IGFALS: variants seen among roughly 807,000 people sequenced by gnomAD.
The protein encoded by IGFALS is insulin-like growth factor-binding protein complex acid labile subunit.
A neutral mutation model predicts 2.6 loss-of-function variants in IGFALS; 2 were observed. The ratio of observed to expected loss-of-function variants is 0.77; its 90% confidence interval spans 0.32 to 2.44. The LOEUF (loss-of-function observed/expected upper bound fraction) is 2.44, where lower values mean the gene tolerates loss of function less well. Among genes scored for constraint, IGFALS ranks in the 30% most tolerant of loss-of-function variants. IGFALS has a pLI of 0.11. For missense variants in IGFALS, 996 were observed against 848.7 expected (o/e 1.17, Z -2.16); for synonymous variants, 519 against 431.9 (o/e 1.20, Z -2.50).
At chr16:1,794,042 C>A (rs1897286482), upstream of IGFALS, among the ~76,000 whole-genome samples, 1 of 152,078 alleles carries the variant, frequency 6.6e-6, no homozygotes, top group Admixed American at 6.5e-5. Flanking sequence ...CAGGGTTTTA[C>A]CAGGTCCTGT....
rs1036537110 is a variant in IGFALS, at chr16:1,793,661, C to T, written c.-9G>A. On this transcript the variant is annotated 5_prime_UTR_variant, in exon 1 of 2. Transcript: ENST00000215539. ...CCTTTCCTCAGGGCCATCCTGCATG[C>T]AGGGCAGGCTGCAGGCAGGCAGCGA... 8.0e-5 allele frequency: 127 copies of T among 1,594,134 alleles called. No individual in the cohort carries two copies. The highest frequency in any genetic ancestry group is 1.1e-4 in the Non-Finnish European group (123 of 1,170,208).
At chr16:1,794,368 C>T (rs576862420), upstream of IGFALS, among the ~76,000 whole-genome samples, 15 of 152,314 alleles carry the variant, frequency 9.8e-5, no homozygotes, top group Admixed American at 7.8e-4. Context: ...TTTTGCCCTG[C>T]GCCATCCTCG....
At position 1,791,280 on chromosome 16, in the gene IGFALS, G is replaced by T. The variant is rs759124435; in HGVS notation, c.1138C>A (p.Gln380Lys). The change falls in exon 2 of 2, where the codon CAG becomes AAG. Residue 380 changes from glutamine to lysine, a missense_variant. Physicochemically the swap from Gln to Lys is moderately conservative, Grantham distance 53. Transcript: ENST00000215539. ...SGNCLRNLPE[Q>K]VFRGLGKLHS... ...AGCTTGCCCAGGCCCCGGAACACCT[G>T]CTCCGGAAGGTTCCGGAGACAGTTC... 1 of 1,609,146 alleles carries T rather than the reference G, an allele frequency of 6.2e-7. No homozygotes were observed.
chr16:1,792,151 G>A lies in IGFALS; in HGVS notation c.267C>T (p.Val89=), dbSNP rs751581849. Residue 89 remains valine (V), a synonymous_variant, in exon 2 of 2, where the codon GTC becomes GTT. Transcript: ENST00000215539. ...LWLDGNNLSS[V]PPAAFQNLSS... ...AGAGGTTCTGGAAGGCTGCCGGGGGGACGGACGAGAGGTTGTTGCCGTCCA... is the reference window on the plus strand; with the variant it reads ...AGAGGTTCTGGAAGGCTGCCGGGGGAACGGACGAGAGGTTGTTGCCGTCCA... 6.2e-6 allele frequency: 10 copies of A among 1,611,454 alleles called. No individual in the cohort carries two copies. The East Asian group carries it at 1.3e-4, about 22-fold the overall frequency.
rs757236289 is a variant in IGFALS, at chr16:1,790,869, A to T, written c.1549T>A (p.Ser517Thr). 4.5e-6 allele frequency: 7 copies of T among 1,569,478 alleles called. No homozygotes were observed. The highest frequency in any genetic ancestry group is 5.2e-6 in the Non-Finnish European group (6 of 1,159,430). ...GGCTGCGGCGTGAAGGTCCGCAGTG[A>T]GTTGTTCCTGAGGCTGAGGTAGCGC... ...RLRYLSLRNN[S>T]LRTFTPQPPG... Residue 517 changes from serine to threonine, a missense_variant, in exon 2 of 2, where the codon TCA becomes ACA. By Grantham distance (58) the Ser-to-Thr change is moderately conservative (BLOSUM62 1). Coordinates refer to ENST00000215539, the MANE Select transcript of IGFALS (RefSeq NM_004970.3).
Position 1,790,842 on chromosome 16 carries a change from G to A in IGFALS, c.1576C>T (p.Pro526Ser), listed in dbSNP as rs1211521092. ...TCCAGCCACAGGCGCTCCAGGCCCG[G>A]GGGCTGCGGCGTGAAGGTCCGCAGT... ...NSLRTFTPQP[P>S]GLERLWLEGN... Residue 526 changes from proline (P) to serine (S), a missense_variant, in exon 2 of 2, where the codon CCG becomes TCG. By Grantham distance (74) the Pro-to-Ser change is moderately conservative (BLOSUM62 -1). Coordinates refer to ENST00000215539, the MANE Select transcript of IGFALS (RefSeq NM_004970.3). 6.4e-7 allele frequency: 1 copy of A among 1,567,514 alleles called. No individual in the cohort carries two copies. The highest frequency in any genetic ancestry group is 1.4e-5 in the African/African-American group (1 of 73,792).
intron 1 of IGFALS, among the ~76,000 whole-genome samples, chr16:1,792,752 G>A (rs535056394): frequency 7.2e-5 from 11 of 152,376 alleles, no homozygotes; most frequent in East Asian, 3.9e-4. Context: ...AGTCTGCCAC[G>A]TTGGCCTAGA....
intron 1 of IGFALS, among the ~76,000 whole-genome samples, chr16:1,793,116 C>T (rs555020246): frequency 2.6e-5 from 4 of 152,356 alleles, no homozygotes; most frequent in East Asian, 1.9e-4. Flanking sequence ...CCCCCATCCT[C>T]AGAGAGTGTG....
chr16:1,793,616 C>A, intron 1 of IGFALS, 21 bp downstream of exon 1: 1 of 1,590,368 alleles, frequency 6.3e-7, no homozygotes, highest in Non-Finnish European at 8.6e-7. Flanking sequence ...GAGTGGGTGG[C>A]GGGGCACTCG....
In IGFALS at chr16:1,791,319, T is replaced by C. The variant is rs772037518; in HGVS notation, c.1099A>G (p.Met367Val). The C allele has an allele frequency of 5.0e-6, 8 of 1,608,554 alleles. No individual in the cohort carries two copies. The highest frequency in any genetic ancestry group is 1.3e-5 in the African/African-American group (1 of 74,914). ...CGGAGACAGTTCCCAGAGAGGTTCATGACCGCCACGTTGGTGAGGCCGAGG... is the reference window on the plus strand; with the variant it reads ...CGGAGACAGTTCCCAGAGAGGTTCACGACCGCCACGTTGGTGAGGCCGAGG... ...AFLGLTNVAV[M>V]NLSGNCLRNL... The change falls in exon 2 of 2, where the codon ATG becomes GTG. Residue 367 changes from methionine (M) to valine (V), a missense_variant. Transcript: ENST00000215539.
In IGFALS at chr16:1,790,954, G is replaced by A. The variant is rs1329592267; in HGVS notation, c.1464C>T (p.Asp488=). 3.1e-6 allele frequency: 5 copies of A among 1,596,296 alleles called. No homozygotes were observed. Among genetic ancestry groups the A allele is most frequent in the African/African-American group, 1.3e-5 (1 of 74,964 alleles). ...LGPLQRAFWL[D]VSHNRLEALP... Reference sequence around the variant, plus strand: ...ATGCCTCCAGGCGGTTGTGCGAGACGTCCAGCCAGAAGGCCCGCTGCAGGG... The same window carrying A: ...ATGCCTCCAGGCGGTTGTGCGAGACATCCAGCCAGAAGGCCCGCTGCAGGG... Residue 488 remains aspartate (D), a synonymous_variant, in exon 2 of 2, where the codon GAC becomes GAT. Coordinates refer to ENST00000215539, the MANE Select transcript of IGFALS (RefSeq NM_004970.3).
In IGFALS at chr16:1,791,159, T is replaced by C. The variant is rs771276931; in HGVS notation, c.1259A>G (p.Asn420Ser). Residue 420 changes from asparagine (N) to serine (S), a missense_variant, in exon 2 of 2, where the codon AAC (asparagine) becomes AGC (serine). By Grantham distance (46) the Asn-to-Ser change is conservative. Coordinates refer to ENST00000215539, the MANE Select transcript of IGFALS (RefSeq NM_004970.3). ...CTGCTCCTCAATGCCCACGAGGCCG[T>C]TGTCCTTGAGGAAGAGTCGGCGGAG... Reference protein sequence around the residue: ...SGLRRLFLKDNGLVGIEEQSL... With the variant: ...SGLRRLFLKDSGLVGIEEQSL... The C allele has an allele frequency of 1.9e-6, 3 of 1,606,814 alleles. No individual in the cohort carries two copies. Among genetic ancestry groups the C allele is most frequent in the Non-Finnish European group, 2.5e-6 (3 of 1,179,856 alleles).
chr16:1,793,057 G>C (rs996706409), intron 1 of IGFALS, among the ~76,000 whole-genome samples: 2 of 152,346 alleles, frequency 1.3e-5, no homozygotes, highest in South Asian at 4.1e-4. Context: ...CACAGACCCA[G>C]CCAGCAGGCT....
At chr16:1,793,505 G>C (rs1358770814) in intron 1 of IGFALS, 132 bp downstream of exon 1, 1 of 762,576 alleles carries the variant, frequency 1.3e-6, no homozygotes, top group Non-Finnish European at 2.1e-6. Flanking sequence ...GGGCTCCCCA[G>C]AGTCCCCCGC....
Position 1,792,382 on chromosome 16 carries a change from C to G in IGFALS, c.36G>C (p.Leu12=). The stretch of plus-strand genomic sequence containing the variant: ...CCAGTGCCACCCAGGACAGCAGCAG[C>G]AGCGCCAGGGCCAGGCCTCCTGCGG... ...ALRKGGLALA[L]LLLSWVALGP... Residue 12 remains leucine, a synonymous_variant, in exon 2 of 2, where the codon CTG becomes CTC. Transcript: ENST00000215539. 4 of 1,577,962 alleles carry G rather than the reference C, an allele frequency of 2.5e-6. No homozygotes were observed. Among genetic ancestry groups the G allele is most frequent in the Non-Finnish European group, 2.6e-6 (3 of 1,165,866 alleles).
chr16:1,791,123 C>G lies in IGFALS; in HGVS notation c.1295G>C (p.Gly432Ala). The change falls in exon 2 of 2, where the codon GGG (glycine) becomes GCG (alanine). Residue 432 changes from glycine to alanine, a missense_variant. Transcript: ENST00000215539. ...LVGIEEQSLWGLAELLELDLT... is the reference protein window; with the variant it reads ...LVGIEEQSLWALAELLELDLT... ...GTCGAGCTCCAGCAGCTCCGCCAGC[C>G]CCCACAGGCTCTGCTCCTCAATGCC... is the stretch of plus-strand genomic sequence containing the variant. 1 of 1,603,826 alleles carries G rather than the reference C, an allele frequency of 6.2e-7. No individual in the cohort carries two copies. Among genetic ancestry groups the G allele is most frequent in the South Asian group, 1.1e-5 (1 of 91,048 alleles).
Position 1,791,534 on chromosome 16 carries a change from A to T in IGFALS, c.884T>A (p.Leu295Gln). The T allele has an allele frequency of 6.3e-7, 1 of 1,588,570 alleles. No individual in the cohort carries two copies. The highest frequency in any genetic ancestry group is 8.6e-7 in the Non-Finnish European group (1 of 1,168,892). ...GGCGATGGCGTTGTGGGACAGCCGC[A>T]GCACACGCAGGCCCAGCAGACCGGG... ...TFPGLLGLRV[L>Q]RLSHNAIASL... Residue 295 changes from leucine to glutamine, a missense_variant, in exon 2 of 2, where the codon CTG becomes CAG. Transcript: ENST00000215539.
At position 1,792,061 on chromosome 16, in the gene IGFALS, C is replaced by G. The variant is rs762362705; in HGVS notation, c.357G>C (p.Leu119=). 2 of 1,610,088 alleles carry G rather than the reference C, an allele frequency of 1.2e-6. No individual in the cohort carries two copies. Among genetic ancestry groups the G allele is most frequent in the African/African-American group, 1.3e-5 (1 of 74,918 alleles). ...QLGSLEPQAL[L]GLENLCHLHL... ...GCAGGTGGCACAGGTTCTCTAGGCC[C>G]AGCAGCGCCTGTGGCTCCAGGCTGC... The change falls in exon 2 of 2, where the codon CTG becomes CTC. Residue 119 remains leucine (L), a synonymous_variant. Coordinates refer to ENST00000215539, the MANE Select transcript of IGFALS (RefSeq NM_004970.3).
chr16:1,792,312 C>A lies in IGFALS; in HGVS notation c.106G>T (p.Ala36Ser). 6.3e-7 allele frequency: 1 copy of A among 1,597,382 alleles called. No individual in the cohort carries two copies. The highest frequency in any genetic ancestry group is 1.1e-5 in the South Asian group (1 of 90,930). Residue 36 changes from alanine to serine, a missense_variant, in exon 2 of 2, where the codon GCC (alanine) becomes TCC (serine). Physicochemically the swap from Ala to Ser is moderately conservative, Grantham distance 99. Coordinates refer to ENST00000215539, the MANE Select transcript of IGFALS (RefSeq NM_004970.3). The part of the protein sequence containing the change: ...EGADPGTPGE[A>S]EGPACPAACV... ...GCGGCCGGGCACGCTGGGCCCTCGG[C>A]TTCCCCCGGCGTTCCGGGGTCTGCT... is the stretch of plus-strand genomic sequence containing the variant.
Sources: gnomAD v4.1 joint callset for allele counts (sites outside exome capture counted in the v4.1 genomes callset) on GRCh38, gnomAD v4.1.1 for gene constraint, MANE v1.5 for transcripts, NCBI Gene and HGNC (gene_info 2026-07-23, HGNC 2026-07-21) for gene names.